ZBTB37: variants seen among roughly 807,000 people sequenced by gnomAD.
The protein encoded by ZBTB37 is zinc finger and BTB domain-containing protein 37.
A neutral mutation model predicts 37.7 loss-of-function variants in ZBTB37; 15 were observed. The observed-to-expected ratio is 0.40, with a 90% CI of 0.27 to 0.61. ZBTB37 has a LOEUF of 0.61. Ranked by LOEUF, ZBTB37 falls within the 20% of genes least tolerant of loss-of-function variation. The pLI, the probability that ZBTB37 is intolerant of heterozygous loss-of-function variation, is 0.44. For synonymous variants in ZBTB37, 231 were observed against 220.6 expected (o/e 1.05, Z -0.42); for missense variants, 514 against 641.9 (o/e 0.80, Z 2.15).
At chr1:173,903,040 T>G (rs1420834956) in exon 4 of ZBTB37, 2 of 152,362 alleles carry the variant, frequency 1.3e-5, no homozygotes, top group Admixed American at 1.3e-4. Context: ...GCTGAGATTT[T>G]TTAAATTAAA....
At chr1:173,878,060 C>G (rs1160557953) in intron 4 of ZBTB37, among the ~76,000 whole-genome samples, 1 of 152,216 alleles carries the variant, frequency 6.6e-6, no homozygotes, top group Non-Finnish European at 1.5e-5. Context: ...TAGACTCTCC[C>G]TGTGTCAGAA....
intron 3 of ZBTB37, among the ~76,000 whole-genome samples, chr1:173,872,428 A>G (rs1000405263): frequency 2.6e-5 from 4 of 152,026 alleles, no homozygotes; most frequent in African/African-American, 7.2e-5. Context: ...GTTAGAGTGC[A>G]GTGGTGCAAT....
chr1:173,889,813 G>A (rs530739170), downstream of ZBTB37: 1 of 152,330 alleles, frequency 6.6e-6, no homozygotes, highest in African/African-American at 2.4e-5. Flanking sequence ...AGGTAAATTA[G>A]TTCATAGAGG....
At chr1:173,889,325 G>A (rs890579695), downstream of ZBTB37, 10 of 152,192 alleles carry the variant, frequency 6.6e-5, no homozygotes, top group Non-Finnish European at 1.0e-4. Flanking sequence ...TACCTCTTAA[G>A]GATGTACTAA....
rs972724895 is a variant in ZBTB37, at chr1:173,880,007, A to G, written c.1024-5629A>G. 6.6e-5 allele frequency among the ~76,000 whole-genome samples: 10 copies of G among 152,292 alleles called. No individual in the cohort carries two copies. In the East Asian group the frequency reaches 1.4e-3, roughly 21 times the overall value. On this transcript the variant is annotated intron_variant, in intron 4 of 4. Coordinates refer to ENST00000427304, the Ensembl canonical transcript of ZBTB37. ...ATTTACACAAACTAGGCCACCTAGC[A>G]ATCACCAACTCTGAAGTCCTACAAA...
chr1:173,891,795 A>G (rs918377173), exon 4 of ZBTB37: 18 of 152,144 alleles, frequency 1.2e-4, no homozygotes, highest in Admixed American at 1.2e-3. Flanking sequence ...AGAGAGAATA[A>G]TTGCTTCCCA....
At chr1:173,870,733 C>G (rs1655494881) in exon 3 of ZBTB37, 1 of 1,614,056 alleles carries the variant, frequency 6.2e-7, no homozygotes, top group Non-Finnish European at 8.5e-7. Context: ...ACATAATACC[C>G]CAAAGGGAAA....
chr1:173,872,509 T>C (rs1430572029), intron 3 of ZBTB37, among the ~76,000 whole-genome samples: 1 of 152,100 alleles, frequency 6.6e-6, no homozygotes, highest in Non-Finnish European at 1.5e-5. Context: ...CTTCAGGTGA[T>C]CTTGATTTGA....
intron 2 of ZBTB37, 126 bp from the exon 3 acceptor site, chr1:173,870,074 G>C: frequency 1.6e-6 from 1 of 629,124 alleles, no homozygotes; most frequent in Non-Finnish European, 2.6e-6. Context: ...TATAAGGAAG[G>C]TATTTCTTTT....
downstream of ZBTB37, chr1:173,890,619 G>T (rs1193736275): frequency 1.3e-5 from 2 of 152,190 alleles, no homozygotes; most frequent in Non-Finnish European, 2.9e-5. Context: ...ACAAGCAATT[G>T]TCGGGCAAAT....
At chr1:173,871,189 T>C (rs1450491862) in intron 3 of ZBTB37, 41 bp downstream of exon 3, 2 of 1,512,922 alleles carry the variant, frequency 1.3e-6, no homozygotes, top group Non-Finnish European at 8.9e-7. Context: ...TAATGGCTAT[T>C]GTGTAGACAT....
chr1:173,870,247 C>A (rs774451772), exon 3 of ZBTB37: 2 of 1,613,020 alleles, frequency 1.2e-6, no homozygotes, highest in African/African-American at 2.7e-5. Flanking sequence ...TGGGAACATA[C>A]AATTGGAGAT....
intron 3 of ZBTB37, among the ~76,000 whole-genome samples, chr1:173,871,883 C>T (rs921619509): frequency 3.9e-5 from 6 of 152,056 alleles, no homozygotes; most frequent in Non-Finnish European, 8.8e-5. Context: ...GAGAAAGTCT[C>T]AATTGAAAGA....
At chr1:173,897,013 C>T (rs1657076381) in exon 4 of ZBTB37, 2 of 152,032 alleles carry the variant, frequency 1.3e-5, no homozygotes, top group Admixed American at 1.3e-4. Flanking sequence ...TCATGTAACT[C>T]GAATTTTTTT....
At chr1:173,875,184 A>G (rs946066269) in intron 4 of ZBTB37, among the ~76,000 whole-genome samples, 1 of 150,424 alleles carries the variant, frequency 6.6e-6, no homozygotes, top group African/African-American at 2.4e-5. Context: ...TATATACTAT[A>G]TGTAGTATAC....
chr1:173,882,237 C>CTTTT (rs1160364347), intron 4 of ZBTB37, among the ~76,000 whole-genome samples: 39 of 87,948 alleles, frequency 4.4e-4, no homozygotes, highest in African/African-American at 7.6e-4. Flanking sequence ...ATGGTAGTTT[C>CTTTT]TTTTTTTTTT....
At chr1:173,881,877 A>G (rs1572065182) in intron 4 of ZBTB37, among the ~76,000 whole-genome samples, 1 of 151,856 alleles carries the variant, frequency 6.6e-6, no homozygotes, top group African/African-American at 2.4e-5. Context: ...ACACGGTGAA[A>G]CCCTGTCTCT....
At chr1:173,882,986 G>A (rs1353106175) in intron 4 of ZBTB37, among the ~76,000 whole-genome samples, 1 of 152,190 alleles carries the variant, frequency 6.6e-6, no homozygotes, top group Non-Finnish European at 1.5e-5. Flanking sequence ...TGAGGCAAAT[G>A]CTATTACTAT....
exon 5 of ZBTB37, chr1:173,886,247 G>T (rs1656616571): frequency 7.0e-7 from 1 of 1,420,918 alleles, no homozygotes; most frequent in Non-Finnish European, 9.3e-7. Flanking sequence ...ATGCTCCCAA[G>T]ATGTTGCCAA....
Sources: gnomAD v4.1 joint callset for allele counts (sites outside exome capture counted in the v4.1 genomes callset) on GRCh38, gnomAD v4.1.1 for gene constraint, MANE v1.5 for transcripts, NCBI Gene and HGNC (gene_info 2026-07-23, HGNC 2026-07-21) for gene names.